MEOX2: variants seen among roughly 807,000 people sequenced by gnomAD.
MEOX2 encodes the protein mesenchyme homeobox 2.
A neutral mutation model predicts 27.0 loss-of-function variants in MEOX2; 11 were observed. The observed-to-expected ratio is 0.41, with a 90% CI of 0.26 to 0.68. The LOEUF is 0.68. Among genes scored for constraint, MEOX2 ranks in the 30% least tolerant of loss-of-function variants. MEOX2 has a pLI of 0.33. For missense variants in MEOX2, 436 were observed against 385.4 expected (o/e 1.13, Z -1.10); for synonymous variants, 189 against 155.4 (o/e 1.22, Z -1.61).
chr7:15,670,507 C>T (rs1427583477), intron 1 of MEOX2, among the ~76,000 whole-genome samples: 1 of 152,092 alleles, frequency 6.6e-6, no homozygotes, highest in Non-Finnish European at 1.5e-5. Flanking sequence ...GAATGACTGT[C>T]CAGCTGGAGT....
At chr7:15,636,032 T>C (rs1781474441) in intron 1 of MEOX2, among the ~76,000 whole-genome samples, 1 of 152,014 alleles carries the variant, frequency 6.6e-6, no homozygotes, top group South Asian at 2.1e-4. Context: ...TCTTCTCTTT[T>C]AGAGTCCTGT....
chr7:15,656,806 T>C (rs1781828154), intron 1 of MEOX2, among the ~76,000 whole-genome samples: 1 of 152,084 alleles, frequency 6.6e-6, no homozygotes, highest in South Asian at 2.1e-4. Flanking sequence ...CTTTTGATGT[T>C]CTAAGATTAC....
intron 1 of MEOX2, among the ~76,000 whole-genome samples, chr7:15,654,628 A>T (rs925120017): frequency 2.0e-5 from 3 of 151,910 alleles, no homozygotes; most frequent in African/African-American, 7.2e-5. Flanking sequence ...AAATTTGTCA[A>T]ATATTTCTTC....
intron 1 of MEOX2, among the ~76,000 whole-genome samples, chr7:15,665,052 C>A (rs1039562335): frequency 4.1e-5 from 4 of 98,338 alleles, no homozygotes; most frequent in Non-Finnish European, 1.1e-4. Context: ...CACACACACA[C>A]ACACACACAC....
At chr7:15,620,184 T>C (rs1479173201) in intron 2 of MEOX2, among the ~76,000 whole-genome samples, 1 of 152,186 alleles carries the variant, frequency 6.6e-6, no homozygotes, top group East Asian at 1.9e-4. Context: ...TTATTCTTAA[T>C]AATTGTCATA....
chr7:15,684,851 AC>A (rs1234753801), intron 1 of MEOX2, among the ~76,000 whole-genome samples: 2 of 152,276 alleles, frequency 1.3e-5, no homozygotes, highest in African/African-American at 4.8e-5. Flanking sequence ...GTATCTTTTA[AC>A]AATTTTATAA....
intron 2 of MEOX2, among the ~76,000 whole-genome samples, chr7:15,613,035 T>G (rs181397264): frequency 6.6e-6 from 1 of 152,346 alleles, no homozygotes; most frequent in Admixed American, 6.5e-5. Flanking sequence ...AACATGCTCC[T>G]GCAGCTACTG....
Position 15,620,841 on chromosome 7 carries a change from A to G in MEOX2, c.690+5905T>C, listed in dbSNP as rs190292276. ...TCTGTTTATTCCAGTAATCTTAACT[A>G]GTTTACAAGTCTACAACATTACACC... On this transcript the variant is annotated intron_variant, in intron 2 of 2. Coordinates refer to ENST00000262041, the MANE Select transcript of MEOX2 (RefSeq NM_005924.5). Among the ~76,000 whole-genome samples, 8 of 152,322 alleles carry G rather than the reference A, an allele frequency of 5.3e-5. No individual in the cohort carries two copies. In the South Asian group the frequency reaches 6.2e-4, roughly 12 times the overall value.
chr7:15,635,995 G>C (rs1176161585), intron 1 of MEOX2, among the ~76,000 whole-genome samples: 1 of 151,944 alleles, frequency 6.6e-6, no homozygotes, highest in Non-Finnish European at 1.5e-5. Context: ...CAGATAGTGT[G>C]CTTGTGTTTG....
intron 1 of MEOX2, among the ~76,000 whole-genome samples, chr7:15,682,804 A>C (rs972406114): frequency 6.6e-6 from 1 of 151,924 alleles, no homozygotes; most frequent in African/African-American, 2.4e-5. Context: ...TTTTTTCAGC[A>C]GTTGTAAAGT....
At chr7:15,619,264 A>T (rs972848883) in intron 2 of MEOX2, among the ~76,000 whole-genome samples, 5 of 152,056 alleles carry the variant, frequency 3.3e-5, no homozygotes, top group African/African-American at 1.2e-4. Flanking sequence ...AAACTTATGG[A>T]TGCAAGAATA....
At chr7:15,656,105 CT>C (rs1781815878) in intron 1 of MEOX2, among the ~76,000 whole-genome samples, 1 of 151,804 alleles carries the variant, frequency 6.6e-6, no homozygotes, top group African/African-American at 2.4e-5. Flanking sequence ...ATATCTCTCT[CT>C]GTCTCTGGTA....
chr7:15,634,546 G>T lies in MEOX2; in HGVS notation c.518-7628C>A, dbSNP rs141156971. 2.0e-4 allele frequency among the ~76,000 whole-genome samples: 30 copies of T among 152,040 alleles called. No individual in the cohort carries two copies. The East Asian group carries it at 5.2e-3, about 26-fold the overall frequency. Reference sequence around the variant, plus strand: ...TCAACCAGATATCTGTAGTTTAATTGGTTAAATCTGGCAATCCTAAATTGC... The same window carrying T: ...TCAACCAGATATCTGTAGTTTAATTTGTTAAATCTGGCAATCCTAAATTGC... On this transcript the variant is annotated intron_variant, in intron 1 of 2. Transcript: ENST00000262041.
At chr7:15,639,708 T>A (rs1037591887) in intron 1 of MEOX2, among the ~76,000 whole-genome samples, 4 of 152,110 alleles carry the variant, frequency 2.6e-5, no homozygotes, top group African/African-American at 9.7e-5. Flanking sequence ...CGGAACCATT[T>A]ATTAAAAACG....
chr7:15,617,679 C>T (rs1373866983), intron 2 of MEOX2, among the ~76,000 whole-genome samples: 1 of 151,924 alleles, frequency 6.6e-6, no homozygotes, highest in Non-Finnish European at 1.5e-5. Context: ...GTTGGGGAGG[C>T]TGTGGAGGGT....
chr7:15,686,158 T>C lies in MEOX2; in HGVS notation c.245A>G (p.Gln82Arg). The change falls in exon 1 of 3, where the codon CAG becomes CGG. Residue 82 changes from glutamine to arginine, a missense_variant. Transcript: ENST00000262041. ...GGTTTGCAGAGCCTGGTGCTGCTGCTGCTGATGGTGGTGATGGTGGTGGTG... is the reference window on the plus strand; with the variant it reads ...GGTTTGCAGAGCCTGGTGCTGCTGCCGCTGATGGTGGTGATGGTGGTGGTG... Reference protein sequence around the residue: ...HHHHHHHHHQQQQHQALQTNW... With the variant: ...HHHHHHHHHQRQQHQALQTNW... 1 of 1,565,778 alleles carries C rather than the reference T, an allele frequency of 6.4e-7. No individual in the cohort carries two copies. Among genetic ancestry groups the C allele is most frequent in the Non-Finnish European group, 8.6e-7 (1 of 1,161,822 alleles).
At chr7:15,618,278 T>C (rs751481724) in intron 2 of MEOX2, among the ~76,000 whole-genome samples, 3 of 152,110 alleles carry the variant, frequency 2.0e-5, no homozygotes, top group African/African-American at 7.2e-5. Context: ...AAGTAAAATA[T>C]TGTTTACTCA....
At chr7:15,671,127 A>G (rs1182244249) in intron 1 of MEOX2, among the ~76,000 whole-genome samples, 1 of 152,210 alleles carries the variant, frequency 6.6e-6, no homozygotes, top group African/African-American at 2.4e-5. Context: ...TTTCCAATAT[A>G]AAAATTTTTA....
chr7:15,640,254 TTGTGTGTGTG>T (rs34600761), intron 1 of MEOX2, among the ~76,000 whole-genome samples: 1 of 146,002 alleles, frequency 6.8e-6, no homozygotes, highest in Non-Finnish European at 1.5e-5. Flanking sequence ...GTGTGTGTGT[TTGTGTGTGTG>T]TGTGTGTGTG....
Sources: gnomAD v4.1 joint callset for allele counts (sites outside exome capture counted in the v4.1 genomes callset) on GRCh38, gnomAD v4.1.1 for gene constraint, MANE v1.5 for transcripts, NCBI Gene and HGNC (gene_info 2026-07-23, HGNC 2026-07-21) for gene names.